Variants in TOM1 observed in about 807,000 individuals in gnomAD.
The protein encoded by TOM1 is target of Myb protein 1.
Under a neutral mutation model 61.3 loss-of-function variants are expected in TOM1, and 38 were observed. The ratio of observed to expected loss-of-function variants is 0.62; its 90% CI spans 0.48 to 0.81. TOM1 has a LOEUF of 0.81. Among genes scored for constraint, TOM1 ranks in the 40% least tolerant of loss-of-function variants. The pLI is 0.00. For missense variants in TOM1, 591 were observed against 659.6 expected, an observed-to-expected ratio of 0.90 and a Z score of 1.14; for synonymous variants, 270 against 268.8, an observed-to-expected ratio of 1.00 and a Z score of -0.04.
chr22:35,339,753 A>G (rs1043522080), intron 12 of TOM1, among the ~76,000 whole-genome samples: 1 of 151,846 alleles, frequency 6.6e-6, no homozygotes, highest in Non-Finnish European at 1.5e-5. Flanking sequence ...AAATACAAAA[A>G]ATTAGCCGGG....
chr22:35,333,231 G>A, intron 9 of TOM1, 173 bp from the exon 10 acceptor site: 2 of 780,608 alleles, frequency 2.6e-6, no homozygotes, highest in Non-Finnish European at 2.1e-6. Flanking sequence ...CTCCCAGGGA[G>A]TCCAGTTGAG....
At chr22:35,343,154 C>CACCTCCACACACCACACCT (rs1930061945) in intron 12 of TOM1, among the ~76,000 whole-genome samples, 1 of 140,992 alleles carries the variant, frequency 7.1e-6, no homozygotes, top group African/African-American at 2.7e-5. Context: ...CCACCACACA[C>CACCTCCACACACCACACCT]ACCTCCACAC....
chr22:35,336,930 G>A (rs575064344), intron 11 of TOM1: 1 of 148,006 alleles, frequency 6.8e-6, no homozygotes, highest in South Asian at 2.2e-4. Context: ...AGCTTAGGAA[G>A]GGCAGATAGT....
At position 35,319,597 on chromosome 22, in the gene TOM1, C is replaced by T. The variant is rs561302929; in HGVS notation, c.137+1636C>T. On this transcript the variant is annotated intron_variant, in intron 2 of 14. Coordinates refer to ENST00000449058, the MANE Select transcript of TOM1 (RefSeq NM_005488.3). ...CCCTGCGCTCTAGGAGGCTTCTTCT[C>T]TCCCAGGGTGGGCCCCCAGGTCAGT... Among the ~76,000 whole-genome samples the T allele has an allele frequency of 3.9e-5, 6 of 152,358 alleles. No individual in the cohort carries two copies. In the South Asian group the frequency reaches 1.0e-3, roughly 26 times the overall value.
chr22:35,308,543 A>G (rs899880492), intron 1 of TOM1, among the ~76,000 whole-genome samples: 4 of 151,978 alleles, frequency 2.6e-5, no homozygotes, highest in African/African-American at 9.7e-5. Flanking sequence ...TGGCCTCTCA[A>G]AGTGCTAGGA....
chr22:35,327,508 G>A (rs758559691), intron 7 of TOM1, 121 bp downstream of exon 7: 2 of 701,866 alleles, frequency 2.8e-6, no homozygotes, highest in Non-Finnish European at 4.9e-6. Context: ...GTCACAGTTG[G>A]GGACATGTTA....
chr22:35,315,430 T>C (rs1265237040), intron 1 of TOM1, among the ~76,000 whole-genome samples: 1 of 152,066 alleles, frequency 6.6e-6, no homozygotes, highest in Non-Finnish European at 1.5e-5. Flanking sequence ...GGCCCTCTGC[T>C]CAGAGGGACA....
At chr22:35,316,800 G>C (rs1314329811) in intron 1 of TOM1, among the ~76,000 whole-genome samples, 5 of 152,164 alleles carry the variant, frequency 3.3e-5, no homozygotes, top group African/African-American at 1.2e-4. Context: ...TTTTTAAAAA[G>C]AACCACCACC....
At chr22:35,328,857 A>G (rs1601696397) in intron 7 of TOM1, among the ~76,000 whole-genome samples, 1 of 152,262 alleles carries the variant, frequency 6.6e-6, no homozygotes, top group Admixed American at 6.5e-5. Context: ...CTCAGGACCC[A>G]GGCACCTGCC....
chr22:35,341,896 C>T (rs1929909906), intron 12 of TOM1, among the ~76,000 whole-genome samples: 1 of 152,160 alleles, frequency 6.6e-6, no homozygotes, highest in Non-Finnish European at 1.5e-5. Flanking sequence ...TGAGCAAATG[C>T]CTGCTCCTGG....
chr22:35,305,663 A>T (rs1370707247), intron 1 of TOM1, among the ~76,000 whole-genome samples: 1 of 152,022 alleles, frequency 6.6e-6, no homozygotes, highest in African/African-American at 2.4e-5. Flanking sequence ...AATCTCAAAA[A>T]AAAAAAAAAA....
intron 1 of TOM1, among the ~76,000 whole-genome samples, chr22:35,302,324 CTTTTTCTTT>C (rs1925882338): frequency 4.1e-5 from 5 of 122,842 alleles, no homozygotes; most frequent in African/African-American, 1.6e-4. Flanking sequence ...TTTTCTTTTT[CTTTTTCTTT>C]TTTTTTTTTT....
chr22:35,306,085 G>A (rs1926309373), intron 1 of TOM1, among the ~76,000 whole-genome samples: 1 of 152,086 alleles, frequency 6.6e-6, no homozygotes, highest in Non-Finnish European at 1.5e-5. Flanking sequence ...ATATTTATGG[G>A]CAATGAAATT....
In TOM1 at chr22:35,338,756, GC is replaced by G. The variant is rs778523295; in HGVS notation, c.1195del (p.Leu399TrpfsTer154). 3.1e-6 allele frequency: 5 copies of G among 1,601,316 alleles called. No individual in the cohort carries two copies. The highest frequency in any genetic ancestry group is 4.3e-6 in the Non-Finnish European group (5 of 1,174,970). On this transcript the variant is annotated frameshift_variant, in exon 12 of 15. Transcript: ENST00000449058. LOFTEE classifies it high-confidence loss of function. The stretch of plus-strand genomic sequence containing the variant: ...CCAAGCAACAGACGGCCTGGCTGGA[GC>G]CCTGGACGCCCGGCAGCAGAGCACT... The part of the protein sequence containing the change: ...APQATDGLAG[A>X]LDARQQSTGA...
intron 11 of TOM1, 77 bp downstream of exon 11, chr22:35,334,525 C>T (rs1929122737): frequency 1.9e-6 from 3 of 1,547,074 alleles, no homozygotes; most frequent in Non-Finnish European, 2.7e-6. Context: ...TTTATGGTGG[C>T]ACACCATGAG....
intron 11 of TOM1, among the ~76,000 whole-genome samples, chr22:35,337,688 G>A (rs1929493109): frequency 6.6e-6 from 1 of 152,250 alleles, no homozygotes; most frequent in Non-Finnish European, 1.5e-5. Flanking sequence ...TGCAGTCCCA[G>A]TTCCTGAAGC....
At chr22:35,324,017 T>C in intron 6 of TOM1, 103 bp downstream of exon 6, 1 of 1,384,632 alleles carries the variant, frequency 7.2e-7, no homozygotes, top group Non-Finnish European at 9.7e-7. Flanking sequence ...CCTCCACTTC[T>C]TCCTCACAGC....
intron 13 of TOM1, among the ~76,000 whole-genome samples, chr22:35,346,447 G>C (rs1242916780): frequency 6.6e-6 from 1 of 152,252 alleles, no homozygotes; most frequent in Non-Finnish European, 1.5e-5. Flanking sequence ...CAGGCTTTCT[G>C]TCTGGTGGCA....
chr22:35,343,105 CCA>C lies in TOM1; in HGVS notation c.1225-2612_1225-2611del, dbSNP rs201055799. The stretch of plus-strand genomic sequence containing the variant: ...CACACCACACCTACACACCCATACA[CCA>C]CACACACCCACACACACCACACACA... On this transcript the variant is annotated intron_variant, in intron 12 of 14. Transcript: ENST00000449058. Among the ~76,000 whole-genome samples the C allele has an allele frequency of 8.6e-3, 1,158 of 135,182 alleles. 26 individuals are homozygous for C. The highest frequency in any genetic ancestry group is 0.031 in the African/African-American group (1,078 of 34,554). 88.7% of individuals were successfully genotyped at this position (135,182 alleles called of 152,430 possible). A position where few individuals can be genotyped will look rare whatever the true frequency, so the allele number is the denominator to read the frequency against.
Sources: allele counts gnomAD v4.1 joint callset (sites outside exome capture counted in the v4.1 genomes callset), GRCh38; gene constraint gnomAD v4.1.1; transcripts MANE v1.5; gene names NCBI Gene and HGNC (gene_info 2026-07-23, HGNC 2026-07-21).